The following CNTN5 variants were observed in gnomAD, a reference collection of about 807,000 sequenced individuals.
The protein encoded by CNTN5 is contactin-5.
In CNTN5, 77 loss-of-function variants were observed where a neutral mutation model predicts 129.1. That is an observed-to-expected ratio of 0.60 (90% CI 0.50 to 0.72). The LOEUF is 0.72. CNTN5 is among the 30% of genes least tolerant of loss of function. The pLI, the probability that CNTN5 is intolerant of heterozygous loss-of-function variation, is 0.00. For synonymous variants in CNTN5, 509 were observed against 465.6 expected (o/e 1.09, Z -1.20); for missense variants, 1,478 against 1,328.8 (o/e 1.11, Z -1.75).
chr11:100,146,918 T>C (rs1192329657), intron 13 of CNTN5, among the ~76,000 whole-genome samples: 2 of 152,074 alleles, frequency 1.3e-5, no homozygotes, highest in African/African-American at 4.8e-5. Flanking sequence ...AAAGATACAG[T>C]CTCCATTTTC....
intron 2 of CNTN5, among the ~76,000 whole-genome samples, chr11:99,379,616 T>G (rs1043594991): frequency 2.0e-4 from 30 of 152,184 alleles, no homozygotes; most frequent in Admixed American, 2.0e-3. Flanking sequence ...TTTAATAAAC[T>G]GAAGAGAATC....
At chr11:99,454,696 T>C (rs1217668017) in intron 2 of CNTN5, among the ~76,000 whole-genome samples, 1 of 152,186 alleles carries the variant, frequency 6.6e-6, no homozygotes, top group African/African-American at 2.4e-5. Flanking sequence ...CAATTCTTTA[T>C]AGCAGTGTGA....
At chr11:99,034,871 G>T (rs201142136) in intron 1 of CNTN5, among the ~76,000 whole-genome samples, 1 of 144,462 alleles carries the variant, frequency 6.9e-6, no homozygotes, top group Admixed American at 7.7e-5. Context: ...TAGGGTGTCA[G>T]TTTTAGATCT....
chr11:99,697,210 C>T (rs1010128098), intron 3 of CNTN5, among the ~76,000 whole-genome samples: 9 of 151,724 alleles, frequency 5.9e-5, no homozygotes, highest in East Asian at 3.9e-4. Flanking sequence ...AGCTGTTCAA[C>T]GCTTAAAGAA....
At chr11:99,097,800 T>C (rs1414017962) in intron 1 of CNTN5, among the ~76,000 whole-genome samples, 2 of 152,002 alleles carry the variant, frequency 1.3e-5, no homozygotes, top group Non-Finnish European at 2.9e-5. Flanking sequence ...GTAAAACAAT[T>C]TATACTTTAA....
intron 3 of CNTN5, among the ~76,000 whole-genome samples, chr11:99,592,724 G>T (rs923615342): frequency 3.3e-5 from 5 of 152,116 alleles, no homozygotes; most frequent in Admixed American, 3.3e-4. Context: ...AAATATTTTT[G>T]TTTGTTTTTT....
At chr11:99,612,318 G>A (rs905563906) in intron 3 of CNTN5, among the ~76,000 whole-genome samples, 2 of 152,138 alleles carry the variant, frequency 1.3e-5, no homozygotes, top group African/African-American at 2.4e-5. Flanking sequence ...GGGGTCAGAT[G>A]CACCTGCTTG....
chr11:99,925,480 C>G (rs1950040412), intron 7 of CNTN5, among the ~76,000 whole-genome samples: 1 of 152,092 alleles, frequency 6.6e-6, no homozygotes, highest in South Asian at 2.1e-4. Context: ...TATAGTATAT[C>G]CAGTTTGGAA....
At chr11:99,181,871 T>C (rs759433373) in intron 1 of CNTN5, among the ~76,000 whole-genome samples, 3 of 152,140 alleles carry the variant, frequency 2.0e-5, no homozygotes, top group Non-Finnish European at 4.4e-5. Context: ...TGGGGGTTAA[T>C]TGTTGACAAG....
At chr11:99,559,661 A>G (rs1386233480) in intron 3 of CNTN5, among the ~76,000 whole-genome samples, 1 of 152,192 alleles carries the variant, frequency 6.6e-6, no homozygotes, top group Non-Finnish European at 1.5e-5. Context: ...TTACAAAGCT[A>G]AACACAATTT....
chr11:99,682,368 A>G (rs1953594671), intron 3 of CNTN5, among the ~76,000 whole-genome samples: 1 of 151,946 alleles, frequency 6.6e-6, no homozygotes, highest in Non-Finnish European at 1.5e-5. Flanking sequence ...GAGTCAAAGA[A>G]TACTACTAAA....
chr11:100,040,727 G>T (rs982043792), intron 9 of CNTN5, among the ~76,000 whole-genome samples: 2 of 152,190 alleles, frequency 1.3e-5, no homozygotes, highest in African/African-American at 4.8e-5. Flanking sequence ...ATCTTGGACT[G>T]CTGTGCTAGC....
intron 8 of CNTN5, among the ~76,000 whole-genome samples, chr11:99,998,660 A>G (rs1939623128): frequency 2.3e-5 from 3 of 128,930 alleles, no homozygotes; most frequent in Admixed American, 8.7e-5. Context: ...AACTACTTTG[A>G]AGTTCATATG....
chr11:99,835,113 T>TAATTATTATTACCCAAACCA (rs1947261526), intron 4 of CNTN5, among the ~76,000 whole-genome samples: 1 of 152,200 alleles, frequency 6.6e-6, no homozygotes. Flanking sequence ...GATTATTGAG[T>TAATTATTATTACCCAAACCA]CCTACTTTGC....
chr11:99,898,932 C>T (rs567459002), intron 6 of CNTN5, among the ~76,000 whole-genome samples: 3 of 152,044 alleles, frequency 2.0e-5, no homozygotes, highest in East Asian at 1.9e-4. Flanking sequence ...AGTGGAAATG[C>T]CTCTAATGTT....
intron 2 of CNTN5, among the ~76,000 whole-genome samples, chr11:99,478,086 T>C (rs1945449932): frequency 6.6e-6 from 1 of 152,170 alleles, no homozygotes; most frequent in Non-Finnish European, 1.5e-5. Context: ...TATTGTGCTG[T>C]AACACATTTT....
chr11:100,315,710 C>T (rs180915662), intron 21 of CNTN5, among the ~76,000 whole-genome samples: 1 of 152,002 alleles, frequency 6.6e-6, no homozygotes, highest in Non-Finnish European at 1.5e-5. Context: ...TATGAAATTC[C>T]AAATGTAGAC....
At chr11:99,587,240 C>T (rs547578787) in intron 3 of CNTN5, among the ~76,000 whole-genome samples, 1 of 152,308 alleles carries the variant, frequency 6.6e-6, no homozygotes, top group South Asian at 2.1e-4. Context: ...CTACTCTATA[C>T]TGCACAGGAT....
intron 3 of CNTN5, among the ~76,000 whole-genome samples, chr11:99,587,129 C>G (rs1478106683): frequency 6.6e-6 from 1 of 152,038 alleles, no homozygotes; most frequent in Non-Finnish European, 1.5e-5. Context: ...ATGTTGGCTA[C>G]TAAGAAAGAG....
Sources: gnomAD v4.1 joint callset for allele counts (sites outside exome capture counted in the v4.1 genomes callset) on GRCh38, gnomAD v4.1.1 for gene constraint, MANE v1.5 for transcripts, NCBI Gene and HGNC (gene_info 2026-07-23, HGNC 2026-07-21) for gene names.